The following ASPRV1 variants were observed in gnomAD, a reference collection of about 807,000 sequenced individuals.
ASPRV1 encodes the protein aspartic peptidase retroviral like 1, also known as retroviral-like aspartic protease 1.
In ASPRV1, 7 loss-of-function variants were observed where a neutral mutation model predicts 11.0. The ratio of observed to expected loss-of-function variants is 0.64; its 90% CI spans 0.36 to 1.20. The LOEUF (loss-of-function observed/expected upper bound fraction) is 1.20, where lower values mean the gene tolerates loss of function less well. ASPRV1 is among the 50% of genes most tolerant of loss of function. ASPRV1 has a pLI of 0.02. For missense variants in ASPRV1, 299 were observed against 320.0 expected, an observed-to-expected ratio of 0.93 and a Z score of 0.50; for synonymous variants, 136 against 138.4, an observed-to-expected ratio of 0.98 and a Z score of 0.12.
chr2:69,974,232 G>A, the ASPRV1 span, among the ~76,000 whole-genome samples: 1 of 151,868 alleles, frequency 6.6e-6, no homozygotes, highest in African/African-American at 2.4e-5. Context: ...AGCTACTCAG[G>A]AGGCTGAGGC....
the ASPRV1 span, among the ~76,000 whole-genome samples, chr2:69,970,254 C>T: frequency 2.0e-5 from 3 of 152,094 alleles, no homozygotes; most frequent in Non-Finnish European, 4.4e-5. Flanking sequence ...CTACAGGACT[C>T]CTTGCCTCCT....
chr2:70,033,276 A>ACAC, the ASPRV1 span, among the ~76,000 whole-genome samples: 2 of 141,512 alleles, frequency 1.4e-5, no homozygotes, highest in Non-Finnish European at 3.1e-5. Context: ...TCAAACAGAA[A>ACAC]ACACACACAC....
the ASPRV1 span, chr2:70,015,683 C>A: frequency 6.6e-6 from 1 of 152,178 alleles, no homozygotes; most frequent in Non-Finnish European, 1.5e-5. Flanking sequence ...GGACTTTAGG[C>A]CAGGTGTGGT....
At chr2:70,035,388 G>A in the ASPRV1 span, among the ~76,000 whole-genome samples, 3 of 152,016 alleles carry the variant, frequency 2.0e-5, no homozygotes, top group South Asian at 4.2e-4. Flanking sequence ...TATAAAATCT[G>A]AGCAATATGA....
At chr2:70,004,528 CAAA>C in the ASPRV1 span, among the ~76,000 whole-genome samples, 2 of 54,636 alleles carry the variant, frequency 3.7e-5, no homozygotes, top group African/African-American at 1.2e-4. Flanking sequence ...AACTCCATCT[CAAA>C]AAAAAAAAAA....
At chr2:69,938,076 T>C in the ASPRV1 span, 1 of 1,609,910 alleles carries the variant, frequency 6.2e-7, no homozygotes, top group Non-Finnish European at 8.5e-7. Flanking sequence ...TCAATGTCCT[T>C]CTCTCTTGTC....
chr2:70,000,334 A>AC, the ASPRV1 span, among the ~76,000 whole-genome samples: 168 of 139,362 alleles, frequency 1.2e-3, no homozygotes, highest in African/African-American at 4.9e-3. Flanking sequence ...AAAAAAAAAA[A>AC]ACCACACACA....
chr2:70,041,836 C>T, the ASPRV1 span, among the ~76,000 whole-genome samples: 1 of 152,188 alleles, frequency 6.6e-6, no homozygotes, highest in South Asian at 2.1e-4. Flanking sequence ...GAAGAGGATT[C>T]AAAGTGGAAG....
At chr2:70,033,865 G>C in the ASPRV1 span, among the ~76,000 whole-genome samples, 1 of 152,244 alleles carries the variant, frequency 6.6e-6, no homozygotes. Context: ...ATTAAGGAAA[G>C]CAATGCTGGC....
the ASPRV1 span, among the ~76,000 whole-genome samples, chr2:69,945,263 A>G: frequency 6.6e-6 from 1 of 152,284 alleles, no homozygotes; most frequent in Non-Finnish European, 1.5e-5. Context: ...AGAAAAACAA[A>G]CCCTCGTAAT....
the ASPRV1 span, among the ~76,000 whole-genome samples, chr2:69,943,216 C>A: frequency 6.6e-6 from 1 of 152,222 alleles, no homozygotes; most frequent in African/African-American, 2.4e-5. Flanking sequence ...TCTTGGCTGA[C>A]TTGCCCTTTG....
the ASPRV1 span, among the ~76,000 whole-genome samples, chr2:70,038,176 G>C: frequency 6.6e-6 from 1 of 152,316 alleles, no homozygotes; most frequent in Non-Finnish European, 1.5e-5. Context: ...CTCAAAACAA[G>C]AAATACCTTC....
At chr2:70,046,787 G>A in the ASPRV1 span, 1 of 152,162 alleles carries the variant, frequency 6.6e-6, no homozygotes, top group African/African-American at 2.4e-5. Flanking sequence ...AACAGCATGT[G>A]CTCAGGGAAC....
chr2:70,036,282 T>C, the ASPRV1 span, among the ~76,000 whole-genome samples: 2 of 152,074 alleles, frequency 1.3e-5, no homozygotes, highest in African/African-American at 4.8e-5. Context: ...TTGTAGGCTC[T>C]TGAGCAGATA....
Position 69,961,583 on chromosome 2 carries a change from C to A in ASPRV1, c.-147G>T, listed in dbSNP as rs770072993. The A allele has an allele frequency of 6.2e-7, 1 of 1,613,220 alleles. No homozygotes were observed. Among genetic ancestry groups the A allele is most frequent in the African/African-American group, 1.3e-5 (1 of 74,908 alleles). On this transcript the variant is annotated 5_prime_UTR_variant, in exon 1 of 1. Transcript: ENST00000320256. ...CCGGCCTTGGGCAAGCAGGAGGGAGCAGGCGCGGTCGGCTGGCTGACTGCT... is the reference window on the plus strand; with the variant it reads ...CCGGCCTTGGGCAAGCAGGAGGGAGAAGGCGCGGTCGGCTGGCTGACTGCT...
At chr2:70,058,696 G>A in the ASPRV1 span, among the ~76,000 whole-genome samples, 1 of 151,486 alleles carries the variant, frequency 6.6e-6, no homozygotes, top group African/African-American at 2.4e-5. Context: ...GGGATTACAG[G>A]CGCCTGCCAG....
chr2:70,086,935 G>C, the ASPRV1 span: 1 of 152,382 alleles, frequency 6.6e-6, no homozygotes, highest in Middle Eastern at 3.4e-3. Flanking sequence ...AGGGCGCCCG[G>C]ACGCCGGGGA....
chr2:69,987,001 C>G, the ASPRV1 span, among the ~76,000 whole-genome samples: 1 of 152,162 alleles, frequency 6.6e-6, no homozygotes, highest in Non-Finnish European at 1.5e-5. Context: ...GGAGAAAGCC[C>G]TGCAGAGGAT....
At chr2:70,087,051 C>T in the ASPRV1 span, 5 of 152,016 alleles carry the variant, frequency 3.3e-5, no homozygotes, top group Non-Finnish European at 7.4e-5. Context: ...CCCCCACACC[C>T]TCGCGCACGC....
Sources: gnomAD v4.1 joint callset for allele counts (sites outside exome capture counted in the v4.1 genomes callset) on GRCh38, gnomAD v4.1.1 for gene constraint, MANE v1.5 for transcripts, NCBI Gene and HGNC (gene_info 2026-07-23, HGNC 2026-07-21) for gene names.